Variants in DIP2C observed in about 807,000 individuals in gnomAD.
DIP2C encodes disco-interacting protein 2 homolog C.
Under a neutral mutation model 192.4 loss-of-function variants are expected in DIP2C, and 33 were observed. The ratio of observed to expected loss-of-function variants is 0.17; its 90% CI spans 0.13 to 0.23. The LOEUF (loss-of-function observed/expected upper bound fraction) is 0.23. Ranked by LOEUF, DIP2C falls within the 10% of genes least tolerant of loss-of-function variation. The pLI is 1.00. For missense variants in DIP2C, 1,537 were observed against 2,110.1 expected (o/e 0.73, Z 5.32); for synonymous variants, 979 against 864.1 (o/e 1.13, Z -2.33).
chr10:540,486 T>G (rs1847919477), intron 1 of DIP2C, among the ~76,000 whole-genome samples: 1 of 152,196 alleles, frequency 6.6e-6, no homozygotes, highest in Admixed American at 6.5e-5. Context: ...AAGACAGTCT[T>G]GAGTCCTCTT....
At chr10:489,288 C>CTA (rs1305280191) in intron 1 of DIP2C, among the ~76,000 whole-genome samples, 1 of 152,236 alleles carries the variant, frequency 6.6e-6, no homozygotes, top group Non-Finnish European at 1.5e-5. Context: ...AGCAAACCTT[C>CTA]TAGCAGCACT....
intron 13 of DIP2C, among the ~76,000 whole-genome samples, chr10:388,230 G>A (rs1025167809): frequency 6.6e-6 from 1 of 152,196 alleles, no homozygotes; most frequent in Admixed American, 6.5e-5. Context: ...CAGCTCTACT[G>A]CAAGTCTCCA....
intron 1 of DIP2C, among the ~76,000 whole-genome samples, chr10:674,787 TATAGAGAG>T (rs1830805097): frequency 1.2e-5 from 1 of 81,580 alleles, no homozygotes. Context: ...TATATATATA[TATAGAGAG>T]AGAGAGAGAG....
At chr10:365,343 G>A (rs979595471) in intron 19 of DIP2C, among the ~76,000 whole-genome samples, 1 of 152,122 alleles carries the variant, frequency 6.6e-6, no homozygotes, top group Non-Finnish European at 1.5e-5. Context: ...GATCAGCCTG[G>A]ACAACAGCAT....
At chr10:390,989 G>T in intron 10 of DIP2C, 126 bp from the exon 11 acceptor site, 1 of 1,385,258 alleles carries the variant, frequency 7.2e-7, no homozygotes, top group Non-Finnish European at 9.8e-7. Context: ...CCCCAGCCCT[G>T]CTGCTTGGTA....
intron 26 of DIP2C, among the ~76,000 whole-genome samples, chr10:348,348 C>T (rs534408845): frequency 1.3e-5 from 2 of 152,312 alleles, no homozygotes; most frequent in South Asian, 2.1e-4. Context: ...CAGCTGGGTT[C>T]GTGAGGAAGC....
rs1195683209 is a variant in DIP2C, at chr10:413,996, T to C, written c.974A>G (p.Gln325Arg). 1.9e-6 allele frequency: 3 copies of C among 1,614,170 alleles called. No homozygotes were observed. In the Admixed American group the frequency reaches 5.0e-5, roughly 27 times the overall value. The change falls in exon 8 of 37, where the codon CAG (glutamine) becomes CGG (arginine). Residue 325 changes from glutamine (Q) to arginine (R), a missense_variant. Gln to Arg is a conservative substitution (Grantham distance 43). Transcript: ENST00000280886. ...CTTGGGCGAGATGGTGCCCCACCTC[T>C]GCAGTGCGGCCTCCAGCGACGGCGG... The part of the protein sequence containing the change: ...NWPPSLEAAL[Q>R]RWGTISPKAP...
At chr10:360,242 G>A (rs748293697) in intron 22 of DIP2C, among the ~76,000 whole-genome samples, 9 of 152,166 alleles carry the variant, frequency 5.9e-5, no homozygotes, top group Non-Finnish European at 1.3e-4. Context: ...GGAGGCAGAG[G>A]CCTTCTAGCT....
At chr10:295,869 C>T (rs3132002) in intron 32 of DIP2C, among the ~76,000 whole-genome samples, 150,642 of 152,294 alleles carry the variant, frequency 0.99, 74,524 homozygotes, top group Middle Eastern at 1. Context: ...ATTAGCTAGA[C>T]GTGATGATAA....
intron 1 of DIP2C, among the ~76,000 whole-genome samples, chr10:571,378 T>A (rs997165524): frequency 6.6e-6 from 1 of 152,174 alleles, no homozygotes; most frequent in Non-Finnish European, 1.5e-5. Flanking sequence ...GAAAATCAGC[T>A]GTGACGCACC....
At chr10:301,632 C>T (rs988175324) in intron 32 of DIP2C, among the ~76,000 whole-genome samples, 3 of 152,180 alleles carry the variant, frequency 2.0e-5, no homozygotes, top group Non-Finnish European at 2.9e-5. Flanking sequence ...GATGGTAATT[C>T]TAAAAAAGGA....
At chr10:672,836 C>T (rs1351151478) in intron 1 of DIP2C, among the ~76,000 whole-genome samples, 2 of 152,168 alleles carry the variant, frequency 1.3e-5, no homozygotes, top group East Asian at 3.8e-4. Flanking sequence ...CCTCCTGATT[C>T]TAGAAGGTGC....
At chr10:324,960 GTAAACCATC>G (rs775867944) in intron 31 of DIP2C, 1 of 532,638 alleles carries the variant, frequency 1.9e-6, no homozygotes, top group Non-Finnish European at 3.8e-6. Flanking sequence ...CTCCTTCCTT[GTAAACCATC>G]TTAAAACATT....
intron 1 of DIP2C, among the ~76,000 whole-genome samples, chr10:617,959 CTGCT>C (rs751485186): frequency 7.9e-5 from 12 of 152,048 alleles, no homozygotes; most frequent in African/African-American, 1.4e-4. Flanking sequence ...TTTAGGAATC[CTGCT>C]TGCTTGTGAG....
chr10:492,923 T>G (rs936671571), intron 1 of DIP2C, among the ~76,000 whole-genome samples: 2 of 152,220 alleles, frequency 1.3e-5, no homozygotes, highest in Non-Finnish European at 2.9e-5. Context: ...AATAAGCTTC[T>G]GATGTTAAAA....
intron 1 of DIP2C, among the ~76,000 whole-genome samples, chr10:601,827 CAG>C (rs1377748218): frequency 6.6e-6 from 1 of 152,166 alleles, no homozygotes; most frequent in Admixed American, 6.5e-5. Flanking sequence ...GATCGGGGAT[CAG>C]AGGTTTCCTC....
At chr10:320,838 ATAAT>A (rs1956973055) in intron 31 of DIP2C, among the ~76,000 whole-genome samples, 1 of 152,240 alleles carries the variant, frequency 6.6e-6, no homozygotes, top group African/African-American at 2.4e-5. Context: ...ATGGTGATAA[ATAAT>A]TAAAAAGCAG....
At chr10:568,790 A>AAAAAC (rs1849603632) in intron 1 of DIP2C, among the ~76,000 whole-genome samples, 1 of 140,820 alleles carries the variant, frequency 7.1e-6, no homozygotes, top group Admixed American at 7.1e-5. Flanking sequence ...AAAAAAAAAA[A>AAAAAC]AAAAAAAACC....
chr10:301,899 T>C (rs1054403999), intron 32 of DIP2C, among the ~76,000 whole-genome samples: 2 of 152,170 alleles, frequency 1.3e-5, no homozygotes, highest in Admixed American at 6.5e-5. Context: ...TGTGTCCAAA[T>C]ACCACAAGTG....
Sources: gnomAD v4.1 joint callset for allele counts (sites outside exome capture counted in the v4.1 genomes callset) on GRCh38, gnomAD v4.1.1 for gene constraint, MANE v1.5 for transcripts, NCBI Gene and HGNC (gene_info 2026-07-23, HGNC 2026-07-21) for gene names.